The following STAB2 variants were observed in gnomAD, a reference collection of about 807,000 sequenced individuals.
STAB2 encodes the protein stabilin 2.
STAB2 carries 288 observed loss-of-function variants against 338.1 expected under a neutral mutation model. That is an observed-to-expected ratio of 0.85 (90% CI 0.77 to 0.94). The LOEUF (loss-of-function observed/expected upper bound fraction) is 0.94. Among genes scored for constraint, STAB2 ranks in the 40% least tolerant of loss-of-function variants. The pLI is 0.00. For missense variants in STAB2, 3,141 were observed against 3,210.1 expected (o/e 0.98, Z 0.52); for synonymous variants, 1,202 against 1,193.3 (o/e 1.01, Z -0.15).
intron 9 of STAB2, among the ~76,000 whole-genome samples, chr12:103,642,351 C>T (rs537626221): frequency 1.3e-5 from 2 of 152,190 alleles, no homozygotes; most frequent in Non-Finnish European, 2.9e-5. Context: ...CAGGACACGG[C>T]TGAGTGGGCC....
At chr12:103,613,963 G>A (rs1379929272) in intron 3 of STAB2, among the ~76,000 whole-genome samples, 1 of 152,118 alleles carries the variant, frequency 6.6e-6, no homozygotes, top group Non-Finnish European at 1.5e-5. Flanking sequence ...ATTGGTAGAA[G>A]TTCAATTTGG....
intron 27 of STAB2, among the ~76,000 whole-genome samples, chr12:103,686,223 C>T (rs1877418535): frequency 6.6e-6 from 1 of 152,176 alleles, no homozygotes; most frequent in South Asian, 2.1e-4. Context: ...CCGCAGCCTG[C>T]ACTAAGAGTC....
intron 10 of STAB2, among the ~76,000 whole-genome samples, chr12:103,649,408 C>CT (rs1315863364): frequency 6.6e-6 from 1 of 152,170 alleles, no homozygotes; most frequent in Non-Finnish European, 1.5e-5. Flanking sequence ...CAAATGACTT[C>CT]TAAGGGCCAT....
intron 19 of STAB2, among the ~76,000 whole-genome samples, chr12:103,668,272 G>A (rs1409502857): frequency 2.0e-5 from 3 of 152,164 alleles, no homozygotes; most frequent in African/African-American, 7.2e-5. Context: ...AGACCCTTTG[G>A]GGGCTCCAAA....
chr12:103,722,941 G>C (rs1263358490), intron 44 of STAB2, among the ~76,000 whole-genome samples: 1 of 152,186 alleles, frequency 6.6e-6, no homozygotes, highest in Non-Finnish European at 1.5e-5. Context: ...ATATTAGTCA[G>C]TGATGAACTA....
intron 6 of STAB2, among the ~76,000 whole-genome samples, chr12:103,635,522 C>T (rs1411337654): frequency 6.6e-6 from 1 of 152,250 alleles, no homozygotes; most frequent in Non-Finnish European, 1.5e-5. Flanking sequence ...CTGTCCAGTG[C>T]TTGACTCAGG....
intron 2 of STAB2, among the ~76,000 whole-genome samples, chr12:103,593,185 A>G (rs559579711): frequency 1.3e-5 from 2 of 152,314 alleles, no homozygotes; most frequent in African/African-American, 4.8e-5. Flanking sequence ...ATATAACCAG[A>G]AGTAGGATTA....
chr12:103,667,889 T>G (rs1210483425), intron 19 of STAB2, among the ~76,000 whole-genome samples: 1 of 152,212 alleles, frequency 6.6e-6, no homozygotes, highest in Non-Finnish European at 1.5e-5. Context: ...CTTGATATTT[T>G]ATAAATTAGG....
chr12:103,706,881 T>C lies in STAB2; in HGVS notation c.4086T>C (p.Cys1362=). The C allele has an allele frequency of 6.2e-7, 1 of 1,614,150 alleles. No homozygotes were observed. The highest frequency in any genetic ancestry group is 8.5e-7 in the Non-Finnish European group (1 of 1,180,020). ...ATGTCTGCTTTGGTAATGGCATCTGTTTGGATGGAGTGAATGGCACAGGTG... is the reference window on the plus strand; with the variant it reads ...ATGTCTGCTTTGGTAATGGCATCTGCTTGGATGGAGTGAATGGCACAGGTG... ...AQNVCFGNGI[C]LDGVNGTGVC... Residue 1362 remains cysteine (C), a synonymous_variant, in exon 38 of 69, where the codon TGT becomes TGC. Coordinates refer to ENST00000388887, the MANE Select transcript of STAB2 (RefSeq NM_017564.10).
At chr12:103,725,560 G>A (rs186392356) in intron 45 of STAB2, among the ~76,000 whole-genome samples, 102 of 152,190 alleles carry the variant, frequency 6.7e-4, no homozygotes, top group African/African-American at 2.0e-3. Flanking sequence ...GCATGTGTGC[G>A]TGCACGTGTT....
Position 103,673,998 on chromosome 12 carries a change from ACT to A in STAB2, c.2466_2467del (p.Cys823Ter). 2 of 1,614,000 alleles carry A rather than the reference ACT, an allele frequency of 1.2e-6. No individual in the cohort carries two copies. Among genetic ancestry groups the A allele is most frequent in the Non-Finnish European group, 8.5e-7 (1 of 1,180,006 alleles). Reference protein sequence around the residue: ...GTCRDGSAGRLCDKQTSACGP... With the variant: ...GTCRDGSAGRXCDKQTSACGP... ...CATGCAGAGACGGCTCTGCCGGGAG[ACT>A]CTGTGATAAGCAGACCTCAGCCTGT... On this transcript the variant is annotated frameshift_variant, in exon 23 of 69. Coordinates refer to ENST00000388887, the MANE Select transcript of STAB2 (RefSeq NM_017564.10). LOFTEE classifies it high-confidence loss of function.
intron 1 of STAB2, among the ~76,000 whole-genome samples, chr12:103,588,026 G>A (rs1364390008): frequency 1.3e-5 from 2 of 152,056 alleles, no homozygotes; most frequent in African/African-American, 2.4e-5. Context: ...GCCTTCCACA[G>A]AGCTGTAGTA....
At chr12:103,709,289 G>A (rs1879635487) in intron 39 of STAB2, among the ~76,000 whole-genome samples, 1 of 152,246 alleles carries the variant, frequency 6.6e-6, no homozygotes, top group African/African-American at 2.4e-5. Context: ...TGCAGAATGA[G>A]AGGACTTTAA....
At chr12:103,691,943 C>A (rs1258909764) in intron 30 of STAB2, among the ~76,000 whole-genome samples, 1 of 152,068 alleles carries the variant, frequency 6.6e-6, no homozygotes, top group Non-Finnish European at 1.5e-5. Flanking sequence ...TTTACTTAGC[C>A]CCATTTCTTA....
intron 34 of STAB2, among the ~76,000 whole-genome samples, chr12:103,701,612 T>A (rs1319042500): frequency 2.6e-5 from 4 of 152,208 alleles, no homozygotes; most frequent in Non-Finnish European, 5.9e-5. Context: ...ATCAACAGTA[T>A]TACAATATCA....
chr12:103,663,953 G>T (rs1259368390), intron 18 of STAB2, among the ~76,000 whole-genome samples: 1 of 152,174 alleles, frequency 6.6e-6, no homozygotes, highest in Non-Finnish European at 1.5e-5. Context: ...TTTACTGTAA[G>T]AGGGACTTAA....
At chr12:103,682,602 T>C (rs1390332337) in intron 25 of STAB2, among the ~76,000 whole-genome samples, 1 of 129,848 alleles carries the variant, frequency 7.7e-6, no homozygotes, top group Non-Finnish European at 1.8e-5. Context: ...TATGATGCTT[T>C]TTAGGGCCCA....
intron 15 of STAB2, among the ~76,000 whole-genome samples, chr12:103,655,951 C>T (rs572617365): frequency 1.3e-5 from 2 of 152,310 alleles, no homozygotes; most frequent in African/African-American, 4.8e-5. Flanking sequence ...AGAATGAAGC[C>T]TAAACTAGGC....
chr12:103,759,941 C>T (rs1323500238), intron 65 of STAB2, among the ~76,000 whole-genome samples: 2 of 152,190 alleles, frequency 1.3e-5, no homozygotes, highest in Admixed American at 6.5e-5. Flanking sequence ...AGAAATGATA[C>T]ATTTGTGGAA....
Sources: gnomAD v4.1 joint callset for allele counts (sites outside exome capture counted in the v4.1 genomes callset) on GRCh38, gnomAD v4.1.1 for gene constraint, MANE v1.5 for transcripts, NCBI Gene and HGNC (gene_info 2026-07-23, HGNC 2026-07-21) for gene names.